NPAS3: variants seen among roughly 807,000 people sequenced by gnomAD.
NPAS3 encodes neuronal PAS domain protein 3.
A neutral mutation model predicts 73.1 loss-of-function variants in NPAS3; 14 were observed. The observed-to-expected ratio is 0.19, with a 90% CI of 0.13 to 0.30. The LOEUF is 0.30. Ranked by LOEUF, NPAS3 falls within the 10% of genes least tolerant of loss-of-function variation. The pLI, the probability that NPAS3 is intolerant of heterozygous loss-of-function variation, is 1.00. For synonymous variants in NPAS3, 620 were observed against 541.5 expected (o/e 1.14, Z -2.01); for missense variants, 1,096 against 1,250.0 (o/e 0.88, Z 1.86).
intron 2 of NPAS3, among the ~76,000 whole-genome samples, chr14:33,161,940 A>G (rs1353432687): frequency 6.6e-6 from 1 of 152,236 alleles, no homozygotes; most frequent in South Asian, 2.1e-4. Flanking sequence ...CTGAGGAGCC[A>G]GGTCTTAGAG....
intron 6 of NPAS3, 83 bp downstream of exon 6, chr14:33,676,468 C>A: frequency 8.4e-7 from 1 of 1,185,986 alleles, no homozygotes; most frequent in Non-Finnish European, 1.2e-6. Flanking sequence ...TGTGAAGAGA[C>A]TATAAATAGG....
intron 3 of NPAS3, among the ~76,000 whole-genome samples, chr14:33,287,998 C>T (rs8017066): frequency 1.3e-5 from 2 of 152,012 alleles, no homozygotes; most frequent in African/African-American, 4.8e-5. Context: ...CCAACCATAT[C>T]TCTTAGTTGC....
intron 2 of NPAS3, among the ~76,000 whole-genome samples, chr14:33,095,763 G>C (rs1171902742): frequency 6.8e-6 from 1 of 147,928 alleles, no homozygotes; most frequent in Non-Finnish European, 1.5e-5. Flanking sequence ...CCGCCTCCCG[G>C]GTTCACGCCA....
chr14:33,485,738 C>T (rs1163646508), intron 4 of NPAS3, among the ~76,000 whole-genome samples: 1 of 152,164 alleles, frequency 6.6e-6, no homozygotes, highest in Non-Finnish European at 1.5e-5. Context: ...AGCCAAAAAA[C>T]CATTCATTTT....
At chr14:33,164,246 A>G (rs906330271) in intron 2 of NPAS3, among the ~76,000 whole-genome samples, 19 of 152,324 alleles carry the variant, frequency 1.2e-4, no homozygotes, top group African/African-American at 4.6e-4. Flanking sequence ...TTCAAATTCC[A>G]TCAGTCAATG....
In NPAS3 at chr14:33,471,744, G is replaced by A. The variant is rs377146132; in HGVS notation, c.469-88377G>A. The stretch of plus-strand genomic sequence containing the variant: ...ATTACCAGTAGAAAGTTTGAATAAG[G>A]TTAAAACTGGAGTCCCCAACCCCCG... On this transcript the variant is annotated intron_variant, in intron 4 of 11. Transcript: ENST00000356141. 1.1e-4 allele frequency among the ~76,000 whole-genome samples: 16 copies of A among 152,288 alleles called. No homozygotes were observed. In the East Asian group the frequency reaches 2.3e-3, roughly 22 times the overall value.
At chr14:33,776,874 C>T (rs186118805) in intron 8 of NPAS3, among the ~76,000 whole-genome samples, 21 of 152,088 alleles carry the variant, frequency 1.4e-4, no homozygotes, top group Non-Finnish European at 2.8e-4. Flanking sequence ...CCTCAAATGC[C>T]GGGCTAGTCG....
chr14:33,618,415 T>C (rs764633724), intron 5 of NPAS3, among the ~76,000 whole-genome samples: 2 of 152,142 alleles, frequency 1.3e-5, no homozygotes, highest in Non-Finnish European at 2.9e-5. Flanking sequence ...AGGCACTAGA[T>C]TCTCCTTAAG....
chr14:33,389,261 C>T (rs757952144), intron 4 of NPAS3, among the ~76,000 whole-genome samples: 3 of 152,138 alleles, frequency 2.0e-5, no homozygotes, highest in South Asian at 2.1e-4. Flanking sequence ...TTCATCATCG[C>T]GACTGCTTTG....
intron 4 of NPAS3, among the ~76,000 whole-genome samples, chr14:33,508,961 A>C (rs986032835): frequency 2.0e-5 from 3 of 151,886 alleles, no homozygotes; most frequent in African/African-American, 7.2e-5. Flanking sequence ...TCATGCTCTA[A>C]GAGTGATTTT....
chr14:32,951,414 A>G (rs2036480056), intron 1 of NPAS3, among the ~76,000 whole-genome samples: 1 of 152,138 alleles, frequency 6.6e-6, no homozygotes, highest in Non-Finnish European at 1.5e-5. Context: ...TCCATAAAAT[A>G]TAGGATGTTA....
intron 2 of NPAS3, among the ~76,000 whole-genome samples, chr14:33,073,312 C>A (rs2041548116): frequency 6.6e-6 from 1 of 152,096 alleles, no homozygotes; most frequent in African/African-American, 2.4e-5. Flanking sequence ...TTAGTGAATG[C>A]CTACTAAGTT....
At chr14:33,031,482 A>T (rs2039986849) in intron 1 of NPAS3, among the ~76,000 whole-genome samples, 1 of 151,984 alleles carries the variant, frequency 6.6e-6, no homozygotes, top group Non-Finnish European at 1.5e-5. Flanking sequence ...TTAACTCACT[A>T]TGTGCTTTTC....
intron 4 of NPAS3, among the ~76,000 whole-genome samples, chr14:33,369,625 T>G (rs1369117307): frequency 1.4e-4 from 22 of 152,152 alleles, no homozygotes; most frequent in Admixed American, 1.4e-3. Context: ...CATCTAAGCA[T>G]GATTGCACTA....
chr14:33,752,413 C>A (rs1210847600), intron 7 of NPAS3, among the ~76,000 whole-genome samples: 3 of 152,058 alleles, frequency 2.0e-5, no homozygotes, highest in Non-Finnish European at 4.4e-5. Context: ...TAAGTCAGAT[C>A]TCAGGATAGA....
intron 7 of NPAS3, among the ~76,000 whole-genome samples, chr14:33,741,808 C>G (rs1345753854): frequency 1.3e-5 from 2 of 152,144 alleles, no homozygotes; most frequent in Admixed American, 1.3e-4. Flanking sequence ...TTTTCCGCTA[C>G]AGAGATTTCA....
chr14:33,664,906 G>T (rs1429976251), intron 5 of NPAS3, among the ~76,000 whole-genome samples: 1 of 152,186 alleles, frequency 6.6e-6, no homozygotes, highest in Non-Finnish European at 1.5e-5. Context: ...TACACCGTTG[G>T]TGGGAGTGTA....
chr14:33,764,167 C>T (rs1473476861), intron 7 of NPAS3, among the ~76,000 whole-genome samples: 1 of 152,184 alleles, frequency 6.6e-6, no homozygotes, highest in Non-Finnish European at 1.5e-5. Context: ...GGGAGGCTAT[C>T]CTTCCGTGAG....
At chr14:33,298,238 G>A (rs368995933) in intron 3 of NPAS3, among the ~76,000 whole-genome samples, 2 of 152,226 alleles carry the variant, frequency 1.3e-5, no homozygotes, top group South Asian at 2.1e-4. Context: ...AGCCAAGATC[G>A]TACCACCGCG....
Sources: allele counts gnomAD v4.1 joint callset (sites outside exome capture counted in the v4.1 genomes callset), GRCh38; gene constraint gnomAD v4.1.1; transcripts MANE v1.5; gene names NCBI Gene and HGNC (gene_info 2026-07-23, HGNC 2026-07-21).